PCDH15: variants seen among roughly 807,000 people sequenced by gnomAD.
PCDH15 encodes protocadherin related 15, also known as protocadherin-15.
In PCDH15, 129 loss-of-function variants were observed where a neutral mutation model predicts 178.5. The ratio of observed to expected loss-of-function variants is 0.72; its 90% CI spans 0.63 to 0.84. PCDH15 has a LOEUF of 0.84. Ranked by LOEUF, PCDH15 falls within the 40% of genes least tolerant of loss-of-function variation. PCDH15 has a pLI of 0.00. For synonymous variants in PCDH15, 800 were observed against 732.0 expected (o/e 1.09, Z -1.50); for missense variants, 2,230 against 2,099.9 (o/e 1.06, Z -1.21).
chr10:54,884,984 T>C (rs1169412285), intron 3 of PCDH15, among the ~76,000 whole-genome samples: 1 of 152,120 alleles, frequency 6.6e-6, no homozygotes, highest in Admixed American at 6.6e-5. Context: ...TTTGCCCTAA[T>C]AGTTTTAATA....
intron 21 of PCDH15, among the ~76,000 whole-genome samples, chr10:53,974,362 C>T (rs2090015647): frequency 6.6e-6 from 1 of 151,936 alleles, no homozygotes; most frequent in African/African-American, 2.4e-5. Context: ...TTTTTGTTTT[C>T]CATTAGATAA....
chr10:54,523,310 T>A (rs1377338453), intron 3 of PCDH15, among the ~76,000 whole-genome samples: 1 of 152,210 alleles, frequency 6.6e-6, no homozygotes, highest in Non-Finnish European at 1.5e-5. Flanking sequence ...CCCATTTGAA[T>A]TTAACCAAAA....
intron 18 of PCDH15, among the ~76,000 whole-genome samples, chr10:54,058,367 T>C (rs970340983): frequency 6.6e-6 from 1 of 152,162 alleles, no homozygotes; most frequent in South Asian, 2.1e-4. Flanking sequence ...CCTGCTTTCA[T>C]GGCAGAAGGC....
intron 28 of PCDH15, among the ~76,000 whole-genome samples, chr10:53,852,822 T>C (rs1462715154): frequency 6.6e-6 from 1 of 151,914 alleles, no homozygotes; most frequent in East Asian, 1.9e-4. Context: ...TCAAGGGAAA[T>C]ATAGAAATGG....
At chr10:55,315,748 T>A (rs1843708200) in intron 1 of PCDH15, among the ~76,000 whole-genome samples, 1 of 152,210 alleles carries the variant, frequency 6.6e-6, no homozygotes, top group Non-Finnish European at 1.5e-5. Context: ...CTGGGCTTGG[T>A]GGCTCCTGCC....
At chr10:54,899,560 G>A (rs1017431463) in intron 2 of PCDH15, among the ~76,000 whole-genome samples, 1 of 149,446 alleles carries the variant, frequency 6.7e-6, no homozygotes, top group African/African-American at 2.5e-5. Context: ...GCAAAGGTGC[G>A]ATCTTGGCTC....
chr10:55,438,202 T>TACACACACAC (rs71463103), intron 2 of PCDH15, among the ~76,000 whole-genome samples: 203 of 149,652 alleles, frequency 1.4e-3, no homozygotes, highest in African/African-American at 4.3e-3. Context: ...GAACATGTTA[T>TACACACACAC]ACACACACAC....
Position 54,759,480 on chromosome 10 carries a change from A to G in PCDH15, c.-29+41445T>C, listed in dbSNP as rs980955043. On this transcript the variant is annotated intron_variant, in intron 1 of 37. Transcript: ENST00000644397. ...ATTTCCATTTCAATACTTCCTTTTGATATTTCTGTCTTCTCTCTCTTGATA... is the reference window on the plus strand; with the variant it reads ...ATTTCCATTTCAATACTTCCTTTTGGTATTTCTGTCTTCTCTCTCTTGATA... Among the ~76,000 whole-genome samples the G allele has an allele frequency of 7.9e-5, 12 of 152,288 alleles. No individual in the cohort carries two copies. In the South Asian group the frequency reaches 1.2e-3, roughly 16 times the overall value.
At chr10:55,079,559 G>T (rs1164947189) in intron 2 of PCDH15, among the ~76,000 whole-genome samples, 3 of 152,126 alleles carry the variant, frequency 2.0e-5, no homozygotes, top group Non-Finnish European at 4.4e-5. Flanking sequence ...GGTGGTCCAG[G>T]CAGGCCAATT....
At chr10:55,316,265 C>G (rs2132294249) in intron 1 of PCDH15, among the ~76,000 whole-genome samples, 1 of 152,180 alleles carries the variant, frequency 6.6e-6, no homozygotes. Flanking sequence ...GATTACCTGT[C>G]AGGGAAACTT....
intron 2 of PCDH15, among the ~76,000 whole-genome samples, chr10:54,562,742 A>T (rs758479735): frequency 1.4e-4 from 21 of 152,170 alleles, no homozygotes; most frequent in Admixed American, 2.6e-4. Context: ...ACAGAGAGGT[A>T]GAGTTTCATG....
chr10:54,422,061 T>G (rs1955594656), intron 3 of PCDH15, among the ~76,000 whole-genome samples: 1 of 151,044 alleles, frequency 6.6e-6, no homozygotes, highest in African/African-American at 2.4e-5. Context: ...CAGCAATAAA[T>G]AAATAAATAA....
At chr10:54,132,731 T>A in intron 15 of PCDH15, 144 bp downstream of exon 15, 2 of 1,406,774 alleles carry the variant, frequency 1.4e-6, no homozygotes, top group Non-Finnish European at 1.9e-6. Context: ...CTTGCTTTCC[T>A]TTCCAGATGG....
intron 3 of PCDH15, among the ~76,000 whole-genome samples, chr10:54,834,354 T>A (rs1214041179): frequency 6.6e-6 from 1 of 151,990 alleles, no homozygotes; most frequent in Non-Finnish European, 1.5e-5. Flanking sequence ...AATTTTTGTA[T>A]TTTTAGTAGA....
chr10:55,543,806 A>G (rs1410516148), intron 2 of PCDH15, among the ~76,000 whole-genome samples: 1 of 151,728 alleles, frequency 6.6e-6, no homozygotes, highest in African/African-American at 2.4e-5. Flanking sequence ...GCTACCATCA[A>G]ATATCATTGT....
intron 2 of PCDH15, among the ~76,000 whole-genome samples, chr10:54,641,838 A>G (rs1359812255): frequency 2.0e-5 from 3 of 152,004 alleles, no homozygotes; most frequent in Non-Finnish European, 4.4e-5. Flanking sequence ...TGATGTTACT[A>G]TTTCTGCCCC....
At chr10:55,254,773 A>G (rs1841944112) in intron 1 of PCDH15, among the ~76,000 whole-genome samples, 1 of 152,220 alleles carries the variant, frequency 6.6e-6, no homozygotes. Flanking sequence ...AATTTGAAAT[A>G]CAAATAAGAT....
At chr10:55,524,209 C>T (rs955351850) in intron 2 of PCDH15, among the ~76,000 whole-genome samples, 11 of 151,450 alleles carry the variant, frequency 7.3e-5, no homozygotes, top group African/African-American at 2.7e-4. Flanking sequence ...GTAAATAATT[C>T]GGAAATATCG....
At chr10:54,272,043 A>ATATATATCATATATATATATTT (rs2058083800) in intron 8 of PCDH15, among the ~76,000 whole-genome samples, 1 of 147,374 alleles carries the variant, frequency 6.8e-6, no homozygotes, top group African/African-American at 2.5e-5. Context: ...TATATTATAT[A>ATATATATCATATATATATATTT]TATATATAAA....
Sources: gnomAD v4.1 joint callset for allele counts (sites outside exome capture counted in the v4.1 genomes callset) on GRCh38, gnomAD v4.1.1 for gene constraint, MANE v1.5 for transcripts, NCBI Gene and HGNC (gene_info 2026-07-23, HGNC 2026-07-21) for gene names.